The following HIVEP2 variants were observed in gnomAD, a reference collection of about 807,000 sequenced individuals.
The protein encoded by HIVEP2 is transcription factor HIVEP2.
In HIVEP2, 14 loss-of-function variants were observed where a neutral mutation model predicts 180.7. That is an observed-to-expected ratio of 0.08 (90% CI 0.05 to 0.12). The LOEUF is 0.12. HIVEP2 is among the 10% of genes least tolerant of loss of function. The pLI is 1.00. For missense variants in HIVEP2, 2,579 were observed against 3,008.5 expected, an observed-to-expected ratio of 0.86 and a Z score of 3.34; for synonymous variants, 1,184 against 1,136.4, an observed-to-expected ratio of 1.04 and a Z score of -0.84.
At chr6:142,833,333 T>G (rs185046032) in intron 2 of HIVEP2, among the ~76,000 whole-genome samples, 123 of 152,338 alleles carry the variant, frequency 8.1e-4, no homozygotes, top group Admixed American at 2.9e-3. Flanking sequence ...CATGCCATCA[T>G]AGAAACAAGG....
chr6:142,836,683 A>G (rs1334902585), intron 2 of HIVEP2, among the ~76,000 whole-genome samples: 2 of 152,188 alleles, frequency 1.3e-5, no homozygotes, highest in African/African-American at 4.8e-5. Flanking sequence ...TAATACATCA[A>G]ATAAAATAAT....
At chr6:142,832,781 A>G (rs1032444852) in intron 2 of HIVEP2, among the ~76,000 whole-genome samples, 2 of 152,310 alleles carry the variant, frequency 1.3e-5, no homozygotes, top group East Asian at 3.9e-4. Context: ...AAATCATGAG[A>G]TTCTCAGATC....
rs1775476916 is a variant in HIVEP2, at chr6:142,769,871, G to A, written c.4868C>T (p.Thr1623Ile). The A allele has an allele frequency of 6.2e-7, 1 of 1,614,020 alleles. No homozygotes were observed. The highest frequency in any genetic ancestry group is 1.3e-5 in the African/African-American group (1 of 74,936). ...ATCTGCCATGTCCGTGAGAAGAAGA[G>A]TTGAGTCTGCCACGTTCCCGCTGGG... Reference protein sequence around the residue: ...SAPSGNVADSTLLLTDMADFQ... With the variant: ...SAPSGNVADSILLLTDMADFQ... Residue 1623 changes from threonine to isoleucine, a missense_variant, in exon 5 of 10, where the codon ACT (threonine) becomes ATT (isoleucine). Around this residue, in one of 11 missense-constraint regions of HIVEP2, gnomAD observed 349 missense variants for 367.2 expected, o/e 0.95. Coordinates refer to ENST00000367603, the MANE Select transcript of HIVEP2 (RefSeq NM_006734.4).
chr6:142,787,593 T>C (rs1279002430), intron 2 of HIVEP2, among the ~76,000 whole-genome samples: 1 of 144,210 alleles, frequency 6.9e-6, no homozygotes. Flanking sequence ...AGACTCTAAA[T>C]GGGCCCATTG....
In HIVEP2 at chr6:142,896,411, T is replaced by A. The variant is rs115801180; in HGVS notation, c.-641+48688A>T. Among the ~76,000 whole-genome samples, 599 of 152,180 alleles carry A rather than the reference T, an allele frequency of 3.9e-3. 3 individuals carry two copies. Among genetic ancestry groups the A allele is most frequent in the African/African-American group, 0.013 (525 of 41,522 alleles). On this transcript the variant is annotated intron_variant, in intron 1 of 9. Coordinates refer to ENST00000367603, the MANE Select transcript of HIVEP2 (RefSeq NM_006734.4). The stretch of plus-strand genomic sequence containing the variant: ...CCTTCATACCCATCCTAAAAAACAC[T>A]CAATTTGGTTCACTGGTTTTTCGGT...
chr6:142,759,689 T>C (rs1775171101), intron 9 of HIVEP2, 83 bp downstream of exon 9: 1 of 1,061,222 alleles, frequency 9.4e-7, no homozygotes. Flanking sequence ...ACCCATGTTC[T>C]ACTAAACTTC....
chr6:142,820,968 T>C (rs1715435205), intron 2 of HIVEP2, among the ~76,000 whole-genome samples: 1 of 152,210 alleles, frequency 6.6e-6, no homozygotes, highest in Non-Finnish European at 1.5e-5. Context: ...CATTTTTTTT[T>C]TCAAAACACA....
intron 3 of HIVEP2, among the ~76,000 whole-genome samples, chr6:142,781,761 A>T (rs1471065963): frequency 6.6e-6 from 1 of 152,162 alleles, no homozygotes; most frequent in African/African-American, 2.4e-5. Flanking sequence ...GCACCCAGTT[A>T]AATAATTTCC....
At chr6:142,930,839 T>C (rs1777927062) in intron 1 of HIVEP2, among the ~76,000 whole-genome samples, 1 of 152,182 alleles carries the variant, frequency 6.6e-6, no homozygotes, top group Non-Finnish European at 1.5e-5. Flanking sequence ...AAATTATTTT[T>C]TATTACAATA....
At chr6:142,865,627 T>C (rs1776119479) in intron 1 of HIVEP2, among the ~76,000 whole-genome samples, 1 of 152,148 alleles carries the variant, frequency 6.6e-6, no homozygotes, top group South Asian at 2.1e-4. Flanking sequence ...TTTTAATTAC[T>C]TTTTTAATGT....
At chr6:142,924,625 G>T (rs921745737) in intron 1 of HIVEP2, among the ~76,000 whole-genome samples, 2 of 152,016 alleles carry the variant, frequency 1.3e-5, no homozygotes, top group African/African-American at 4.8e-5. Flanking sequence ...CACTGCAAAG[G>T]CACAAAATTT....
intron 1 of HIVEP2, among the ~76,000 whole-genome samples, chr6:142,892,883 G>A (rs947113842): frequency 1.3e-5 from 2 of 152,152 alleles, no homozygotes; most frequent in Non-Finnish European, 2.9e-5. Context: ...TTAAATGCTC[G>A]CTACAACTCT....
chr6:142,887,952 G>T (rs1288280194), intron 1 of HIVEP2, among the ~76,000 whole-genome samples: 2 of 112,196 alleles, frequency 1.8e-5, no homozygotes, highest in Non-Finnish European at 3.6e-5. Flanking sequence ...AGCAAAGGGC[G>T]ATGCAGCAAA....
intron 2 of HIVEP2, among the ~76,000 whole-genome samples, chr6:142,794,338 C>T (rs1483150061): frequency 6.6e-6 from 1 of 152,160 alleles, no homozygotes; most frequent in African/African-American, 2.4e-5. Context: ...TAACTAGGAA[C>T]TGTTTCCAAA....
chr6:142,938,748 G>A (rs1778110599), intron 1 of HIVEP2, among the ~76,000 whole-genome samples: 1 of 152,316 alleles, frequency 6.6e-6, no homozygotes, highest in Middle Eastern at 3.4e-3. Context: ...CTGAACTCAA[G>A]TGAATCTGCC....
chr6:142,781,617 A>T lies in HIVEP2; in HGVS notation c.-433+1904T>A, dbSNP rs1047646398. On this transcript the variant is annotated intron_variant, in intron 3 of 9. Transcript: ENST00000367603. ...ATGTTAAAAAAGAGATTACCTCTGC[A>T]TGGCTATTTCAGTGGTAATGGAACT... 1.3e-5 allele frequency among the ~76,000 whole-genome samples: 2 copies of T among 152,186 alleles called. 1 individual carries two copies. The highest frequency in any genetic ancestry group is 4.1e-4 in the South Asian group (2 of 4,830).
chr6:142,786,370 T>C (rs1775998018), intron 2 of HIVEP2, among the ~76,000 whole-genome samples: 2 of 152,232 alleles, frequency 1.3e-5, no homozygotes, highest in African/African-American at 2.4e-5. Context: ...ATAGTGCTAA[T>C]GAATCTTGAT....
intron 1 of HIVEP2, among the ~76,000 whole-genome samples, chr6:142,848,862 A>C (rs1775580579): frequency 6.6e-6 from 1 of 152,222 alleles, no homozygotes. Flanking sequence ...TGAAAGCACC[A>C]GTTCAACCCC....
intron 1 of HIVEP2, among the ~76,000 whole-genome samples, chr6:142,927,130 C>G (rs1411253316): frequency 6.6e-6 from 1 of 151,996 alleles, no homozygotes; most frequent in Non-Finnish European, 1.5e-5. Context: ...CGGGGAAGAG[C>G]TGCTCTTCCT....
Sources: allele counts gnomAD v4.1 joint callset (sites outside exome capture counted in the v4.1 genomes callset), GRCh38; gene constraint gnomAD v4.1.1; regional missense constraint gnomAD v4.1.1; transcripts MANE v1.5; gene names NCBI Gene and HGNC (gene_info 2026-07-23, HGNC 2026-07-21).